Variants in SAE1 observed in about 807,000 individuals in gnomAD.
SAE1 encodes the protein SUMO-activating enzyme subunit 1.
A neutral mutation model predicts 40.6 loss-of-function variants in SAE1; 11 were observed. The ratio of observed to expected loss-of-function variants is 0.27; its 90% CI spans 0.17 to 0.45. The LOEUF (loss-of-function observed/expected upper bound fraction) is 0.45, where lower values mean the gene tolerates loss of function less well. Ranked by LOEUF, SAE1 falls within the 20% of genes least tolerant of loss-of-function variation. The pLI is 1.00. For synonymous variants in SAE1, 155 were observed against 154.3 expected, an observed-to-expected ratio of 1.00 and a Z score of -0.03; for missense variants, 373 against 427.3, an observed-to-expected ratio of 0.87 and a Z score of 1.12.
intron 7 of SAE1, among the ~76,000 whole-genome samples, chr19:47,199,725 A>C (rs2058640499): frequency 6.6e-6 from 1 of 152,150 alleles, no homozygotes; most frequent in Non-Finnish European, 1.5e-5. Context: ...TTGGAACTGA[A>C]GCCCTGCATG....
intron 7 of SAE1, among the ~76,000 whole-genome samples, chr19:47,202,172 G>A (rs192784767): frequency 2.0e-5 from 3 of 152,238 alleles, no homozygotes; most frequent in South Asian, 2.1e-4. Context: ...TTATTTCGAC[G>A]CCTGTGTCTT....
At chr19:47,172,679 G>T (rs1378977585) in intron 6 of SAE1, among the ~76,000 whole-genome samples, 1 of 151,260 alleles carries the variant, frequency 6.6e-6, no homozygotes, top group Non-Finnish European at 1.5e-5. Flanking sequence ...CAGCCTGGGT[G>T]ACAGAGCTGA....
chr19:47,172,846 C>G (rs540468293), intron 6 of SAE1, among the ~76,000 whole-genome samples: 1 of 151,974 alleles, frequency 6.6e-6, no homozygotes, highest in Admixed American at 6.6e-5. Context: ...CTGTGCCGGG[C>G]GTTTTCCATG....
At position 47,130,881 on chromosome 19, in the gene SAE1, G is replaced by A. The variant is rs752517981; in HGVS notation, c.-50G>A. The A allele has an allele frequency of 3.9e-6, 6 of 1,545,884 alleles. No homozygotes were observed. Among genetic ancestry groups the A allele is most frequent in the Non-Finnish European group, 8.7e-7 (1 of 1,145,248 alleles). ...GCGGTAGGTGGCGCGCGGGTCCGGC[G>A]GGCGGTTGGCTTGAGCGGGACCGGA... On this transcript the variant is annotated 5_prime_UTR_variant, in exon 1 of 9. Transcript: ENST00000270225.
intron 8 of SAE1, 27 bp from the exon 9 acceptor site, chr19:47,209,132 A>G: frequency 1.2e-6 from 2 of 1,610,800 alleles, no homozygotes; most frequent in East Asian, 2.2e-5. Flanking sequence ...CACTTGAGCT[A>G]AACCCTCTTT....
At chr19:47,132,044 C>G in intron 1 of SAE1, among the ~76,000 whole-genome samples, 1 of 151,932 alleles carries the variant, frequency 6.6e-6, no homozygotes, top group East Asian at 1.9e-4. Flanking sequence ...TCACTGCAGC[C>G]TCTGGCCTCC....
At chr19:47,167,743 C>CA (rs2058403219) in intron 5 of SAE1, among the ~76,000 whole-genome samples, 3 of 151,986 alleles carry the variant, frequency 2.0e-5, no homozygotes. Context: ...AAATTATTTG[C>CA]ATCCCCCCCA....
chr19:47,157,730 T>C (rs573079879), intron 5 of SAE1, among the ~76,000 whole-genome samples: 1 of 152,270 alleles, frequency 6.6e-6, no homozygotes, highest in East Asian at 1.9e-4. Flanking sequence ...CTGGAAGGTA[T>C]CAAAATATTC....
rs1269522258 is a variant in SAE1 at position 47,209,306 on chromosome 19, C to T, written c.*55C>T. Reference sequence around the variant, plus strand: ...AACTGCAGCATGCCCACCTGTATTCCCTGTCCCCTTCCTTCATGAAGGCAT... The same window carrying T: ...AACTGCAGCATGCCCACCTGTATTCTCTGTCCCCTTCCTTCATGAAGGCAT... On this transcript the variant is annotated 3_prime_UTR_variant, in exon 9 of 9. Transcript: ENST00000270225. 6 of 1,613,358 alleles carry T rather than the reference C, an allele frequency of 3.7e-6. No individual in the cohort carries two copies. The South Asian group carries it at 5.5e-5, about 15-fold the overall frequency.
intron 5 of SAE1, among the ~76,000 whole-genome samples, chr19:47,155,468 T>G (rs1447908686): frequency 6.6e-6 from 1 of 152,046 alleles, no homozygotes; most frequent in African/African-American, 2.4e-5. Flanking sequence ...AACTTTTTTT[T>G]TTGTGTGTGT....
chr19:47,168,012 G>A (rs1326132261), intron 5 of SAE1, among the ~76,000 whole-genome samples: 1 of 152,056 alleles, frequency 6.6e-6, no homozygotes, highest in Non-Finnish European at 1.5e-5. Context: ...GGGCAATATA[G>A]TGAAATCCTG....
Position 47,155,165 on chromosome 19 carries a change from C to T in SAE1, c.579C>T (p.Asp193=), listed in dbSNP as rs1242227577. Reference sequence around the variant, plus strand: ...GCCAAGGAGTAGAAGATGGGCCCGACACCAAGAGAGCAAAACTTGATTCTT... The same window carrying T: ...GCCAAGGAGTAGAAGATGGGCCCGATACCAAGAGAGCAAAACTTGATTCTT... ...KVSQGVEDGP[D]TKRAKLDSSE... The change falls in exon 5 of 9, where the codon GAC becomes GAT. Residue 193 remains aspartate (D), a synonymous_variant. Coordinates refer to ENST00000270225, the MANE Select transcript of SAE1 (RefSeq NM_005500.3). 2 of 1,613,892 alleles carry T rather than the reference C, an allele frequency of 1.2e-6. No homozygotes were observed. The highest frequency in any genetic ancestry group is 1.3e-5 in the African/African-American group (1 of 74,884).
intron 6 of SAE1, among the ~76,000 whole-genome samples, chr19:47,174,816 G>A (rs898368343): frequency 4.0e-5 from 6 of 150,722 alleles, no homozygotes; most frequent in Non-Finnish European, 8.9e-5. Context: ...CTCGTGATCC[G>A]CCTGCCTCAG....
intron 8 of SAE1, among the ~76,000 whole-genome samples, chr19:47,206,891 T>C (rs1250856444): frequency 5.9e-5 from 9 of 152,200 alleles, no homozygotes; most frequent in Non-Finnish European, 1.2e-4. Context: ...GCTTTTTATT[T>C]GCCTATTTGC....
At chr19:47,165,881 G>T (rs893170097) in intron 5 of SAE1, among the ~76,000 whole-genome samples, 2 of 152,192 alleles carry the variant, frequency 1.3e-5, no homozygotes, top group African/African-American at 4.8e-5. Flanking sequence ...GGAATTTGTG[G>T]CCTTTCCCTT....
chr19:47,184,870 C>G (rs1253950379), intron 6 of SAE1, among the ~76,000 whole-genome samples: 1 of 151,742 alleles, frequency 6.6e-6, no homozygotes, highest in Non-Finnish European at 1.5e-5. Context: ...GTCCCCCAGG[C>G]TGGAGTGCAG....
At chr19:47,170,018 C>G in intron 6 of SAE1, 95 bp downstream of exon 6, 1 of 903,846 alleles carries the variant, frequency 1.1e-6, no homozygotes, top group Non-Finnish European at 1.8e-6. Flanking sequence ...TGATGTTTGC[C>G]TTGGGTGGCA....
intron 2 of SAE1, among the ~76,000 whole-genome samples, chr19:47,145,353 G>A (rs2058249598): frequency 6.6e-6 from 1 of 152,096 alleles, no homozygotes; most frequent in Non-Finnish European, 1.5e-5. Flanking sequence ...CACCATATTG[G>A]CCAGGTTGGT....
chr19:47,143,647 C>T, intron 2 of SAE1, 42 bp downstream of exon 2: 3 of 1,440,786 alleles, frequency 2.1e-6, no homozygotes, highest in Non-Finnish European at 2.9e-6. Context: ...TCTGGCTCCC[C>T]TTTCCAGCAT....
Sources: allele counts gnomAD v4.1 joint callset (sites outside exome capture counted in the v4.1 genomes callset), GRCh38; gene constraint gnomAD v4.1.1; transcripts MANE v1.5; gene names NCBI Gene and HGNC (gene_info 2026-07-23, HGNC 2026-07-21).